ZEB1: variants seen among roughly 807,000 people sequenced by gnomAD.
ZEB1 encodes the protein zinc finger E-box-binding homeobox 1.
A neutral mutation model predicts 84.9 loss-of-function variants in ZEB1; 21 were observed. The observed-to-expected ratio is 0.25, with a 90% CI of 0.18 to 0.36. The LOEUF (loss-of-function observed/expected upper bound fraction) is 0.36, where lower values mean the gene tolerates loss of function less well. Ranked by LOEUF, ZEB1 falls within the 10% of genes least tolerant of loss-of-function variation. ZEB1 has a pLI of 1.00. For missense variants in ZEB1, 1,104 were observed against 1,330.2 expected (o/e 0.83, Z 2.65); for synonymous variants, 420 against 471.1 (o/e 0.89, Z 1.41).
At chr10:31,524,269 G>A (rs1014806482) in intron 8 of ZEB1, among the ~76,000 whole-genome samples, 156 bp downstream of exon 8, 22 of 151,408 alleles carry the variant, frequency 1.5e-4, no homozygotes, top group Admixed American at 4.6e-4. Context: ...GGAGTGCAGT[G>A]GCACGCAATC....
At chr10:31,360,289 A>T (rs1371656726) in intron 1 of ZEB1, among the ~76,000 whole-genome samples, 3 of 152,196 alleles carry the variant, frequency 2.0e-5, no homozygotes, top group Non-Finnish European at 4.4e-5. Flanking sequence ...TGGGAATTAA[A>T]ACAGGATAAT....
At chr10:31,334,982 G>T (rs981804344) in intron 1 of ZEB1, among the ~76,000 whole-genome samples, 1 of 152,070 alleles carries the variant, frequency 6.6e-6, no homozygotes, top group African/African-American at 2.4e-5. Flanking sequence ...GTATTTCATG[G>T]TTTGGAAAAA....
At chr10:31,358,411 A>G (rs1250485672) in intron 1 of ZEB1, 1 of 152,216 alleles carries the variant, frequency 6.6e-6, no homozygotes, top group African/African-American at 2.4e-5. Flanking sequence ...CAGAGCTTAT[A>G]TAGTTCGGAG....
In ZEB1 at chr10:31,528,354, CT is replaced by C. The variant is rs977217364; in HGVS notation, c.*1091del. The stretch of plus-strand genomic sequence containing the variant: ...ATGTTGATTGATTTTCAGAATTTCT[CT>C]ACAGAAACGAAAGGGAAATTTTCTA... On this transcript the variant is annotated 3_prime_UTR_variant, in exon 9 of 9. Coordinates refer to ENST00000424869, the MANE Select transcript of ZEB1 (RefSeq NM_001174096.2). The C allele has an allele frequency of 5.9e-5, 9 of 152,304 alleles. No homozygotes were observed. The highest frequency in any genetic ancestry group is 2.2e-4 in the African/African-American group (9 of 41,568). 9.4% of individuals were successfully genotyped at this position (152,304 alleles called of 1,614,324 possible).
At chr10:31,402,110 C>CTGT (rs541378977) in intron 1 of ZEB1, among the ~76,000 whole-genome samples, 5,138 of 151,010 alleles carry the variant, frequency 0.034, 262 homozygotes, top group African/African-American at 0.11. Context: ...GTTGTTGTTG[C>CTGT]TGTTGTTGTT....
Position 31,502,248 on chromosome 10 carries a change from C to A in ZEB1, c.323-100C>A, listed in dbSNP as rs562453147. 3.6e-5 allele frequency: 44 copies of A among 1,215,200 alleles called. No homozygotes were observed. In the African/African-American group the frequency reaches 6.4e-4, roughly 18 times the overall value. The allele number at this position is 1,215,200 out of a possible 1,614,324, so 75.3% of individuals were successfully genotyped here. ...GAAATATTTTCTGCAGATTCAAGAACAATCATATGTTCTCTCAAGATAAAT... is the reference window on the plus strand; with the variant it reads ...GAAATATTTTCTGCAGATTCAAGAAAAATCATATGTTCTCTCAAGATAAAT... On this transcript the variant is annotated intron_variant, in intron 3 of 8. Transcript: ENST00000424869.
At chr10:31,445,971 G>A (rs547333642) in intron 1 of ZEB1, among the ~76,000 whole-genome samples, 2 of 130,760 alleles carry the variant, frequency 1.5e-5, no homozygotes, top group East Asian at 2.2e-4. Flanking sequence ...CTATTGATTG[G>A]AATAGTTTCA....
At chr10:31,457,771 A>G (rs546942583) in intron 1 of ZEB1, among the ~76,000 whole-genome samples, 4 of 152,072 alleles carry the variant, frequency 2.6e-5, no homozygotes, top group Non-Finnish European at 4.4e-5. Flanking sequence ...GAACTCAGTA[A>G]AAAAATATGA....
intron 1 of ZEB1, among the ~76,000 whole-genome samples, chr10:31,336,357 T>C (rs1174692850): frequency 6.6e-6 from 1 of 152,016 alleles, no homozygotes; most frequent in East Asian, 1.9e-4. Flanking sequence ...AAAATTGGGG[T>C]TGGACTGCTG....
chr10:31,343,519 G>T (rs2039761019), intron 1 of ZEB1, among the ~76,000 whole-genome samples: 1 of 151,808 alleles, frequency 6.6e-6, no homozygotes, highest in Non-Finnish European at 1.5e-5. Flanking sequence ...TACGGCCTTT[G>T]ATTTATAGAA....
chr10:31,337,444 A>G (rs2038368089), intron 1 of ZEB1, among the ~76,000 whole-genome samples: 1 of 152,050 alleles, frequency 6.6e-6, no homozygotes, highest in South Asian at 2.1e-4. Flanking sequence ...AATGTTTGAT[A>G]TTAATAATTA....
intron 1 of ZEB1, among the ~76,000 whole-genome samples, chr10:31,327,399 C>T (rs1297039877): frequency 6.6e-6 from 1 of 152,184 alleles, no homozygotes; most frequent in African/African-American, 2.4e-5. Context: ...GTGTGAGCCA[C>T]TGCACCTGAC....
intron 8 of ZEB1, among the ~76,000 whole-genome samples, chr10:31,524,573 A>G (rs1421222646): frequency 6.6e-6 from 1 of 152,020 alleles, no homozygotes; most frequent in Non-Finnish European, 1.5e-5. Context: ...GCCCACTTCT[A>G]CCTAGTACTT....
At chr10:31,432,512 C>T (rs1234894355) in intron 1 of ZEB1, among the ~76,000 whole-genome samples, 1 of 152,158 alleles carries the variant, frequency 6.6e-6, no homozygotes, top group Non-Finnish European at 1.5e-5. Flanking sequence ...TGTCTTGAGC[C>T]TGGAAGGTTG....
chr10:31,433,691 T>C (rs912465654), intron 1 of ZEB1, among the ~76,000 whole-genome samples: 1 of 152,216 alleles, frequency 6.6e-6, no homozygotes, highest in South Asian at 2.1e-4. Context: ...TCAAAACTTA[T>C]TAAAGTAATT....
Position 31,528,337 on chromosome 10 carries a change from T to G in ZEB1, c.*1073T>G. 1 of 152,224 alleles carries G rather than the reference T, an allele frequency of 6.6e-6. No homozygotes were observed. The highest frequency in any genetic ancestry group is 1.9e-4 in the East Asian group (1 of 5,208). 9.4% of individuals were successfully genotyped at this position (152,224 alleles called of 1,614,324 possible). ...TCCTCGGTATTGATTTTATGTTGAT[T>G]GATTTTCAGAATTTCTCTACAGAAA... On this transcript the variant is annotated 3_prime_UTR_variant, in exon 9 of 9. Transcript: ENST00000424869.
chr10:31,321,358 G>C, intron 1 of ZEB1: 2 of 1,496,520 alleles, frequency 1.3e-6, no homozygotes. Context: ...GCATTTTAAA[G>C]ACGTCTGTTG....
intron 1 of ZEB1, chr10:31,361,055 G>A (rs1324515943): frequency 1.2e-6 from 2 of 1,611,134 alleles, no homozygotes; most frequent in African/African-American, 2.7e-5. Context: ...CTGATACTCT[G>A]GATAATCAGA....
chr10:31,417,762 T>C (rs2055464656), intron 1 of ZEB1, among the ~76,000 whole-genome samples: 1 of 152,080 alleles, frequency 6.6e-6, no homozygotes, highest in African/African-American at 2.4e-5. Context: ...ATATGGTACT[T>C]TGAACATAAT....
Sources: gnomAD v4.1 joint callset for allele counts (sites outside exome capture counted in the v4.1 genomes callset) on GRCh38, gnomAD v4.1.1 for gene constraint, MANE v1.5 for transcripts, NCBI Gene and HGNC (gene_info 2026-07-23, HGNC 2026-07-21) for gene names.